Variants in CNTNAP5 observed in about 807,000 individuals in gnomAD.
The protein encoded by CNTNAP5 is contactin associated protein family member 5.
A neutral mutation model predicts 150.2 loss-of-function variants in CNTNAP5; 72 were observed. That is an observed-to-expected ratio of 0.48 (90% CI 0.40 to 0.58). The LOEUF is 0.58. Ranked by LOEUF, CNTNAP5 falls within the 20% of genes least tolerant of loss-of-function variation. The pLI, the probability that CNTNAP5 is intolerant of heterozygous loss-of-function variation, is 0.00. For synonymous variants in CNTNAP5, 672 were observed against 619.8 expected (o/e 1.08, Z -1.25); for missense variants, 1,636 against 1,626.2 (o/e 1.01, Z -0.10).
intron 19 of CNTNAP5, among the ~76,000 whole-genome samples, chr2:124,861,016 G>T (rs868074215): frequency 6.6e-6 from 1 of 151,476 alleles, no homozygotes; most frequent in African/African-American, 2.4e-5. Context: ...TATTTTTTCC[G>T]CAGTAAAGTG....
intron 5 of CNTNAP5, among the ~76,000 whole-genome samples, chr2:124,438,667 A>C (rs1692597096): frequency 6.6e-6 from 1 of 152,176 alleles, no homozygotes; most frequent in African/African-American, 2.4e-5. Flanking sequence ...CCAAAGAGTC[A>C]AATGAACATT....
chr2:124,675,543 T>C (rs1238392660), intron 13 of CNTNAP5, among the ~76,000 whole-genome samples: 1 of 152,174 alleles, frequency 6.6e-6, no homozygotes, highest in Non-Finnish European at 1.5e-5. Context: ...ATCCTGGGAA[T>C]TACAATTGGC....
At chr2:124,312,451 G>A (rs879502063) in intron 3 of CNTNAP5, among the ~76,000 whole-genome samples, 37 of 141,618 alleles carry the variant, frequency 2.6e-4, no homozygotes, top group Non-Finnish European at 4.3e-4. Context: ...CTCCCCACCC[G>A]CCCCCCGGCT....
intron 10 of CNTNAP5, among the ~76,000 whole-genome samples, chr2:124,538,778 A>C (rs996022436): frequency 1.3e-5 from 2 of 152,196 alleles, no homozygotes; most frequent in Non-Finnish European, 2.9e-5. Flanking sequence ...AAAGGTTTAG[A>C]TTCTCAAGCC....
intron 13 of CNTNAP5, among the ~76,000 whole-genome samples, chr2:124,671,153 G>A (rs1416570695): frequency 1.3e-5 from 2 of 152,032 alleles, no homozygotes; most frequent in African/African-American, 4.8e-5. Context: ...TTTATCATTG[G>A]TATAATTATT....
At chr2:124,543,688 T>G (rs1695442185) in intron 10 of CNTNAP5, among the ~76,000 whole-genome samples, 1 of 152,204 alleles carries the variant, frequency 6.6e-6, no homozygotes, top group Non-Finnish European at 1.5e-5. Flanking sequence ...ATTTTTTTCT[T>G]TCTTTTTCAG....
chr2:124,071,617 G>A lies in CNTNAP5; in HGVS notation c.82+45885G>A, dbSNP rs1314375315. Among the ~76,000 whole-genome samples the A allele has an allele frequency of 1.3e-5, 2 of 151,786 alleles. 1 individual carries two copies. The highest frequency in any genetic ancestry group is 4.1e-4 in the South Asian group (2 of 4,830). On this transcript the variant is annotated intron_variant, in intron 1 of 23. Coordinates refer to ENST00000682447, the MANE Select transcript of CNTNAP5 (RefSeq NM_001367498.1). ...TAAATTGTAAAATCTAGAAGAAATG[G>A]ATAAATTCCTAGACATACACAGCCT... is the stretch of plus-strand genomic sequence containing the variant.
intron 13 of CNTNAP5, among the ~76,000 whole-genome samples, chr2:124,733,845 A>C (rs1250887565): frequency 6.6e-6 from 1 of 152,182 alleles, no homozygotes; most frequent in East Asian, 1.9e-4. Flanking sequence ...TTTGGAAAGA[A>C]ATCTGCAAAG....
chr2:124,457,522 T>A (rs1050518434), intron 6 of CNTNAP5, among the ~76,000 whole-genome samples: 4 of 152,068 alleles, frequency 2.6e-5, no homozygotes, highest in East Asian at 1.9e-4. Context: ...CTCTTTTTTT[T>A]ATTAGGAAAA....
At chr2:124,369,489 G>A (rs1292707969) in intron 3 of CNTNAP5, among the ~76,000 whole-genome samples, 1 of 152,124 alleles carries the variant, frequency 6.6e-6, no homozygotes, top group African/African-American at 2.4e-5. Flanking sequence ...AACAGAATCT[G>A]TAAGGAAGAG....
At chr2:124,839,884 A>G (rs58003139) in intron 19 of CNTNAP5, among the ~76,000 whole-genome samples, 2,353 of 152,216 alleles carry the variant, frequency 0.015, 55 homozygotes, top group African/African-American at 0.053. Context: ...ACTCAAACTC[A>G]ATTACATTTT....
chr2:124,789,970 A>C lies in CNTNAP5; in HGVS notation c.2821A>C (p.Met941Leu). ...IRSLHLNGQKMDLEERAKVTS... is the reference protein window; with the variant it reads ...IRSLHLNGQKLDLEERAKVTS... ...CTCCTTACACTTGAATGGACAGAAA[A>C]TGGACCTGGAAGAGAGGGCAAAGGT... The change falls in exon 18 of 24, where the codon ATG becomes CTG. Residue 941 changes from methionine (M) to leucine (L), a missense_variant. Physicochemically the swap from Met to Leu is conservative, Grantham distance 15. Coordinates refer to ENST00000682447, the MANE Select transcript of CNTNAP5 (RefSeq NM_001367498.1). 6.2e-7 allele frequency: 1 copy of C among 1,613,960 alleles called. No individual in the cohort carries two copies. The highest frequency in any genetic ancestry group is 8.5e-7 in the Non-Finnish European group (1 of 1,179,846).
chr2:124,241,138 A>G (rs545385475), intron 2 of CNTNAP5, among the ~76,000 whole-genome samples: 1 of 152,330 alleles, frequency 6.6e-6, no homozygotes, highest in African/African-American at 2.4e-5. Context: ...ACTTGGGAAC[A>G]GTAGAAGTGA....
intron 1 of CNTNAP5, among the ~76,000 whole-genome samples, chr2:124,174,917 G>A (rs1685024304): frequency 1.3e-5 from 2 of 152,166 alleles, no homozygotes; most frequent in African/African-American, 4.8e-5. Context: ...TCAGTCAGCA[G>A]CCAACAACAC....
chr2:124,802,013 C>A lies in CNTNAP5; in HGVS notation c.3217+3693C>A, dbSNP rs919000037. 5.3e-5 allele frequency among the ~76,000 whole-genome samples: 8 copies of A among 152,238 alleles called. No individual in the cohort carries two copies. The East Asian group carries it at 1.6e-3, about 30-fold the overall frequency. On this transcript the variant is annotated intron_variant, in intron 19 of 23. Transcript: ENST00000682447. ...TCTTCTGTTAGTCTAGCTGTCTTAA[C>A]CTTTGTGACTGAAGATAGCCTTGGG...
chr2:124,808,194 C>T (rs1474997039), intron 19 of CNTNAP5, among the ~76,000 whole-genome samples: 4 of 152,000 alleles, frequency 2.6e-5, no homozygotes, highest in Non-Finnish European at 5.9e-5. Flanking sequence ...AATAGGGCTC[C>T]CCAGGATTTT....
intron 19 of CNTNAP5, among the ~76,000 whole-genome samples, chr2:124,808,948 G>A (rs1682141609): frequency 6.6e-6 from 1 of 151,928 alleles, no homozygotes; most frequent in South Asian, 2.1e-4. Context: ...CTTATTTTGT[G>A]GCCCTGTTCC....
intron 1 of CNTNAP5, among the ~76,000 whole-genome samples, chr2:124,095,094 C>G (rs530811973): frequency 1.3e-5 from 2 of 152,208 alleles, no homozygotes; most frequent in Admixed American, 1.3e-4. Context: ...GGAATCAACC[C>G]AAATGTCCAT....
chr2:124,469,396 AT>A (rs1039321513), intron 6 of CNTNAP5, among the ~76,000 whole-genome samples: 2 of 152,076 alleles, frequency 1.3e-5, no homozygotes, highest in Non-Finnish European at 2.9e-5. Context: ...TAGAGCATTA[AT>A]TTTTTTGAAA....
Sources: allele counts gnomAD v4.1 joint callset (sites outside exome capture counted in the v4.1 genomes callset), GRCh38; gene constraint gnomAD v4.1.1; transcripts MANE v1.5; gene names NCBI Gene and HGNC (gene_info 2026-07-23, HGNC 2026-07-21).